The following ANKS1B variants were observed in gnomAD, a reference collection of about 807,000 sequenced individuals.
The protein encoded by ANKS1B is ankyrin repeat and sterile alpha motif domain-containing protein 1B.
In ANKS1B, 36 loss-of-function variants were observed where a neutral mutation model predicts 148.3. That is an observed-to-expected ratio of 0.24 (90% CI 0.19 to 0.32). ANKS1B has a LOEUF of 0.32. ANKS1B is among the 10% of genes least tolerant of loss of function. The pLI is 1.00. For missense variants in ANKS1B, 1,157 were observed against 1,542.6 expected (o/e 0.75, Z 4.19); for synonymous variants, 542 against 560.8 (o/e 0.97, Z 0.47).
chr12:99,577,944 C>G (rs2097534302), intron 9 of ANKS1B, among the ~76,000 whole-genome samples: 1 of 152,058 alleles, frequency 6.6e-6, no homozygotes, highest in African/African-American at 2.4e-5. Context: ...GCCAATATCT[C>G]TGATGAACAT....
intron 14 of ANKS1B, among the ~76,000 whole-genome samples, chr12:99,233,744 C>G (rs771253209): frequency 6.6e-6 from 1 of 152,074 alleles, no homozygotes; most frequent in Non-Finnish European, 1.5e-5. Context: ...AACTACTACA[C>G]AATTGCTGAG....
At chr12:99,444,485 AG>A (rs1233060174) in intron 10 of ANKS1B, among the ~76,000 whole-genome samples, 1 of 152,026 alleles carries the variant, frequency 6.6e-6, no homozygotes, top group Non-Finnish European at 1.5e-5. Flanking sequence ...GGGGGAATAA[AG>A]AAAAGATGAC....
chr12:99,014,409 C>G (rs2099941212), intron 17 of ANKS1B, among the ~76,000 whole-genome samples: 1 of 152,108 alleles, frequency 6.6e-6, no homozygotes. Flanking sequence ...AAATCAAAAA[C>G]TACAAAAACC....
intron 1 of ANKS1B, among the ~76,000 whole-genome samples, chr12:99,919,297 T>C (rs1433950759): frequency 6.6e-6 from 1 of 152,154 alleles, no homozygotes; most frequent in African/African-American, 2.4e-5. Context: ...TTCCAATATA[T>C]AGAATGTGGA....
intron 10 of ANKS1B, among the ~76,000 whole-genome samples, chr12:99,452,323 C>T (rs1016617865): frequency 2.6e-5 from 4 of 152,026 alleles, no homozygotes; most frequent in African/African-American, 9.7e-5. Flanking sequence ...TATGGACAGA[C>T]CTAGAAGAAT....
chr12:99,899,917 T>C (rs2093529079), intron 1 of ANKS1B, among the ~76,000 whole-genome samples: 1 of 151,804 alleles, frequency 6.6e-6, no homozygotes, highest in South Asian at 2.1e-4. Flanking sequence ...TTTTTTCTTT[T>C]AGATGGAATC....
intron 26 of ANKS1B, among the ~76,000 whole-genome samples, chr12:98,747,400 T>C (rs1486999088): frequency 6.6e-6 from 1 of 152,190 alleles, no homozygotes; most frequent in Non-Finnish European, 1.5e-5. Context: ...CACAATGTGA[T>C]ACGATCTCAC....
chr12:99,672,330 C>G (rs1033702169), intron 8 of ANKS1B, among the ~76,000 whole-genome samples: 1 of 152,120 alleles, frequency 6.6e-6, no homozygotes, highest in Non-Finnish European at 1.5e-5. Context: ...CTAATTTCAT[C>G]TTCAAGAAAA....
intron 14 of ANKS1B, among the ~76,000 whole-genome samples, chr12:99,177,093 C>T (rs1331570494): frequency 6.6e-6 from 1 of 152,132 alleles, no homozygotes; most frequent in Non-Finnish European, 1.5e-5. Context: ...CTGAACACAG[C>T]CATAGACAAC....
rs1250989524 is a variant in ANKS1B, at chr12:98,821,080, G to A, written c.3066+8094C>T. ...GTGCCTCACAACAATGATGTGGGGT[G>A]GGCATTAACCTCACTCTAGGAAGAG... On this transcript the variant is annotated intron_variant, in intron 19 of 26. Coordinates refer to ENST00000683438, the MANE Select transcript of ANKS1B (RefSeq NM_001352186.2). 2.0e-5 allele frequency among the ~76,000 whole-genome samples: 3 copies of A among 152,250 alleles called. No homozygotes were observed. The East Asian group carries it at 5.8e-4, about 29-fold the overall frequency.
At chr12:99,323,345 C>T (rs1566892251) in intron 12 of ANKS1B, among the ~76,000 whole-genome samples, 1 of 152,168 alleles carries the variant, frequency 6.6e-6, no homozygotes, top group Non-Finnish European at 1.5e-5. Context: ...GCATGGCATT[C>T]ATGCAGCCAT....
chr12:98,746,417 A>C (rs945812881), intron 26 of ANKS1B, among the ~76,000 whole-genome samples: 11 of 152,072 alleles, frequency 7.2e-5, no homozygotes, highest in Non-Finnish European at 1.5e-4. Flanking sequence ...TTCTCCAGAC[A>C]CCTGCATGCC....
At chr12:99,562,340 C>T (rs764573218) in intron 9 of ANKS1B, among the ~76,000 whole-genome samples, 11 of 152,196 alleles carry the variant, frequency 7.2e-5, no homozygotes, top group Non-Finnish European at 8.8e-5. Flanking sequence ...GCTGCATTCA[C>T]CCCTGACAAA....
chr12:99,632,727 C>CTACATATATA (rs1419756181), intron 9 of ANKS1B, among the ~76,000 whole-genome samples: 2 of 39,052 alleles, frequency 5.1e-5, no homozygotes, highest in African/African-American at 1.4e-4. Flanking sequence ...CCTTTTCTTT[C>CTACATATATA]TATATATATA....
chr12:99,685,751 T>C (rs1370974613), intron 8 of ANKS1B, among the ~76,000 whole-genome samples: 1 of 151,634 alleles, frequency 6.6e-6, no homozygotes, highest in Non-Finnish European at 1.5e-5. Flanking sequence ...TGTATACATA[T>C]ATATATATAC....
intron 8 of ANKS1B, among the ~76,000 whole-genome samples, chr12:99,753,851 A>G (rs1288719984): frequency 6.6e-6 from 1 of 151,820 alleles, no homozygotes; most frequent in African/African-American, 2.4e-5. Context: ...GTGAAACCCC[A>G]TCTCTTCTAA....
intron 8 of ANKS1B, among the ~76,000 whole-genome samples, chr12:99,719,398 G>A (rs1315490101): frequency 6.6e-6 from 1 of 151,984 alleles, no homozygotes; most frequent in Admixed American, 6.6e-5. Context: ...CCCCATGACT[G>A]TATCTCTCTG....
intron 16 of ANKS1B, among the ~76,000 whole-genome samples, chr12:99,084,494 A>C (rs1387222577): frequency 6.6e-6 from 1 of 152,066 alleles, no homozygotes; most frequent in Non-Finnish European, 1.5e-5. Flanking sequence ...GATCACCTGA[A>C]GTCAGGAGTT....
intron 9 of ANKS1B, among the ~76,000 whole-genome samples, chr12:99,611,406 C>T (rs2097901394): frequency 6.6e-6 from 1 of 152,040 alleles, no homozygotes; most frequent in South Asian, 2.1e-4. Flanking sequence ...GCCTCAAATA[C>T]ATGTTTGTTT....
Sources: gnomAD v4.1 joint callset for allele counts (sites outside exome capture counted in the v4.1 genomes callset) on GRCh38, gnomAD v4.1.1 for gene constraint, MANE v1.5 for transcripts, NCBI Gene and HGNC (gene_info 2026-07-23, HGNC 2026-07-21) for gene names.